The following PPIL6 variants were observed in gnomAD, a reference collection of about 807,000 sequenced individuals.
The protein encoded by PPIL6 is peptidylprolyl isomerase like 6.
In PPIL6, 39 loss-of-function variants were observed where a neutral mutation model predicts 36.8. That is an observed-to-expected ratio of 1.06 (90% CI 0.82 to 1.38). The LOEUF is 1.38. PPIL6 is among the 40% of genes most tolerant of loss of function. The probability of loss-of-function intolerance (pLI) is 0.00; values close to 1 mark genes in which losing one functional copy is unlikely to be tolerated. For missense variants in PPIL6, 368 were observed against 379.1 expected (o/e 0.97, Z 0.24); for synonymous variants, 123 against 134.1 (o/e 0.92, Z 0.57).
intron 5 of PPIL6, among the ~76,000 whole-genome samples, chr6:109,424,098 G>A (rs1011683919): frequency 6.6e-6 from 1 of 152,210 alleles, no homozygotes; most frequent in Non-Finnish European, 1.5e-5. Context: ...TAAGGAGTAG[G>A]AGGGTGGCAG....
chr6:109,435,636 G>T (rs1379762514), intron 2 of PPIL6, among the ~76,000 whole-genome samples: 1 of 151,894 alleles, frequency 6.6e-6, no homozygotes, highest in Non-Finnish European at 1.5e-5. Context: ...ACAAAAAACA[G>T]CTTGGTGGCC....
chr6:109,405,027 A>G (rs1489734446), intron 6 of PPIL6: 3 of 385,372 alleles, frequency 7.8e-6, no homozygotes, highest in South Asian at 5.7e-5. Flanking sequence ...GCACTCCAGC[A>G]TGGGTGACAG....
Position 109,392,707 on chromosome 6 carries a change from A to T in PPIL6, c.*119T>A. 1 of 613,934 alleles carries T rather than the reference A, an allele frequency of 1.6e-6. No homozygotes were observed. Among genetic ancestry groups the T allele is most frequent in the Admixed American group, 3.0e-5 (1 of 33,396 alleles). The allele number at this position is 613,934 out of a possible 1,614,324, so 38.0% of individuals were successfully genotyped here. On this transcript the variant is annotated 3_prime_UTR_variant, in exon 8 of 8. Transcript: ENST00000521072. ...GGAGGGATTGGGTGTAGATGAGGCAACCTACAGTGTCTGCCACGGCTTTCA... is the reference window on the plus strand; with the variant it reads ...GGAGGGATTGGGTGTAGATGAGGCATCCTACAGTGTCTGCCACGGCTTTCA...
chr6:109,403,783 G>A (rs1396250404), intron 6 of PPIL6, among the ~76,000 whole-genome samples: 1 of 152,106 alleles, frequency 6.6e-6, no homozygotes, highest in Non-Finnish European at 1.5e-5. Flanking sequence ...TTTGTGTTAA[G>A]CTTAACAAAA....
At chr6:109,404,229 G>A (rs1354901023) in intron 6 of PPIL6, among the ~76,000 whole-genome samples, 1 of 152,206 alleles carries the variant, frequency 6.6e-6, no homozygotes, top group African/African-American at 2.4e-5. Context: ...GCAAGGAGAT[G>A]AGTGAACAGA....
intron 5 of PPIL6, among the ~76,000 whole-genome samples, chr6:109,425,726 GGCGACAGA>G (rs1773779947): frequency 6.7e-6 from 1 of 148,902 alleles, no homozygotes; most frequent in Non-Finnish European, 1.5e-5. Flanking sequence ...CTACAGCCTG[GGCGACAGA>G]GCGAGACTCC....
At chr6:109,426,711 GGCTATATAAAGCATT>G in intron 5 of PPIL6, 121 bp downstream of exon 5, 1 of 490,808 alleles carries the variant, frequency 2.0e-6, no homozygotes, top group Non-Finnish European at 3.5e-6. Flanking sequence ...TTCATTATTT[GGCTATATAAAGCATT>G]CTTTAAATAC....
chr6:109,436,640 G>T (rs190680386), intron 1 of PPIL6, among the ~76,000 whole-genome samples: 39 of 152,288 alleles, frequency 2.6e-4, no homozygotes, highest in Admixed American at 4.6e-4. Context: ...AGAATCACTT[G>T]AACCTGGGAG....
At chr6:109,433,855 C>T (rs1471226542) in intron 2 of PPIL6, among the ~76,000 whole-genome samples, 1 of 151,970 alleles carries the variant, frequency 6.6e-6, no homozygotes, top group Non-Finnish European at 1.5e-5. Flanking sequence ...ACAGGTGGAA[C>T]GAAGCAGCAA....
chr6:109,410,849 G>C (rs1021681905), intron 6 of PPIL6, among the ~76,000 whole-genome samples: 1 of 152,138 alleles, frequency 6.6e-6, no homozygotes, highest in Non-Finnish European at 1.5e-5. Flanking sequence ...AGTCTGGGAA[G>C]GTGGGAGTAC....
At chr6:109,419,418 T>TA (rs367886820) in intron 5 of PPIL6, among the ~76,000 whole-genome samples, 175 bp from the exon 6 acceptor site, 2,357 of 140,430 alleles carry the variant, frequency 0.017, 48 homozygotes, top group African/African-American at 0.054. Flanking sequence ...CCATCTCGAT[T>TA]AAAAAAAAAA....
intron 6 of PPIL6, among the ~76,000 whole-genome samples, chr6:109,415,206 T>C (rs972697329): frequency 6.6e-6 from 1 of 152,358 alleles, no homozygotes; most frequent in African/African-American, 2.4e-5. Flanking sequence ...GACTTTTTGC[T>C]TTTTCATTTC....
intron 7 of PPIL6, among the ~76,000 whole-genome samples, chr6:109,393,935 G>C (rs1772195168): frequency 2.0e-5 from 3 of 152,152 alleles, no homozygotes; most frequent in Non-Finnish European, 4.4e-5. Flanking sequence ...ACATTTATTT[G>C]TATGCTTCTT....
intron 7 of PPIL6, among the ~76,000 whole-genome samples, chr6:109,395,990 G>A (rs1562253912): frequency 1.3e-5 from 2 of 151,726 alleles, no homozygotes; most frequent in South Asian, 2.1e-4. Flanking sequence ...CTGCCACCAC[G>A]CCCGGCTAAT....
At chr6:109,440,117 A>G in intron 1 of PPIL6, 1 of 350,140 alleles carries the variant, frequency 2.9e-6, no homozygotes, top group South Asian at 2.0e-5. Flanking sequence ...ATCTCTAATT[A>G]AAGAAAAAAT....
chr6:109,438,505 A>G (rs1774582264), intron 1 of PPIL6, among the ~76,000 whole-genome samples: 2 of 152,168 alleles, frequency 1.3e-5, no homozygotes. Context: ...TGACATTATT[A>G]ATACAATAAA....
chr6:109,435,703 T>A (rs1000299142), intron 2 of PPIL6, among the ~76,000 whole-genome samples: 8 of 152,098 alleles, frequency 5.3e-5, no homozygotes, highest in African/African-American at 1.4e-4. Context: ...GGTGGGTGGA[T>A]CACTTGAGCT....
intron 7 of PPIL6, among the ~76,000 whole-genome samples, chr6:109,394,998 A>G (rs1772237224): frequency 6.6e-6 from 1 of 152,080 alleles, no homozygotes; most frequent in Admixed American, 6.5e-5. Flanking sequence ...TCCTCCTTAT[A>G]TTCTCTATCT....
chr6:109,407,518 C>T (rs562088951), intron 6 of PPIL6, among the ~76,000 whole-genome samples: 1 of 152,192 alleles, frequency 6.6e-6, no homozygotes, highest in East Asian at 1.9e-4. Flanking sequence ...GGATTATAGG[C>T]ACCGCGCCCG....
Sources: allele counts gnomAD v4.1 joint callset (sites outside exome capture counted in the v4.1 genomes callset), GRCh38; gene constraint gnomAD v4.1.1; transcripts MANE v1.5; gene names NCBI Gene and HGNC (gene_info 2026-07-23, HGNC 2026-07-21).